AMDHD1: variants seen among roughly 807,000 people sequenced by gnomAD.
The protein encoded by AMDHD1 is probable imidazolonepropionase.
Under a neutral mutation model 44.1 loss-of-function variants are expected in AMDHD1, and 45 were observed. That is an observed-to-expected ratio of 1.02 (90% CI 0.80 to 1.31). The LOEUF is 1.31. Among genes scored for constraint, AMDHD1 ranks in the 50% most tolerant of loss-of-function variants. The pLI is 0.00. For synonymous variants in AMDHD1, 206 were observed against 205.0 expected (o/e 1.00, Z -0.04); for missense variants, 586 against 552.1 (o/e 1.06, Z -0.61).
At chr12:95,944,994 C>A (rs1243018416) in intron 1 of AMDHD1, among the ~76,000 whole-genome samples, 2 of 152,056 alleles carry the variant, frequency 1.3e-5, no homozygotes, top group Non-Finnish European at 2.9e-5. Context: ...ATTAGCCGGG[C>A]ATGGCGGCGC....
chr12:95,952,721 G>T lies in AMDHD1; in HGVS notation c.142G>T (p.Gly48Ter). The T allele has an allele frequency of 6.3e-7, 1 of 1,596,686 alleles. No homozygotes were observed. The highest frequency in any genetic ancestry group is 1.1e-5 in the South Asian group (1 of 89,182). ...TATTTCTTGATTTTTCTTCAGAGATGGATTTATAAAAGCTATTGGTCCTGC... is the reference window on the plus strand; with the variant it reads ...TATTTCTTGATTTTTCTTCAGAGATTGATTTATAAAAGCTATTGGTCCTGC... Reference protein sequence around the residue: ...EGASLVVGKDGFIKAIGPADV... With the variant: ...EGASLVVGKD Residue 48 changes from glycine (G) to a stop codon, truncating the protein, a stop_gained, in exon 2 of 9, where the codon GGA becomes TGA. Transcript: ENST00000266736. LOFTEE classifies it high-confidence loss of function.
rs1308696860 is a variant in AMDHD1, at chr12:95,948,546, G to T, written c.138-4171G>T. 3.5e-5 allele frequency among the ~76,000 whole-genome samples: 3 copies of T among 85,762 alleles called. 1 individual carries two copies. The highest frequency in any genetic ancestry group is 7.0e-5 in the Non-Finnish European group (3 of 42,668). 56.3% of individuals were successfully genotyped at this position (85,762 alleles called of 152,430 possible). A position where few individuals can be genotyped will look rare whatever the true frequency, so the allele number is the denominator to read the frequency against. On this transcript the variant is annotated intron_variant, in intron 1 of 8. Transcript: ENST00000266736. ...CCCGTCCGGGAGGGAGGTGGGGGGGGGGTCAGCCCCCACCGCCCAGCCAGC... is the reference window on the plus strand; with the variant it reads ...CCCGTCCGGGAGGGAGGTGGGGGGGTGGTCAGCCCCCACCGCCCAGCCAGC...
In AMDHD1 at chr12:95,962,467, C is replaced by T. The variant is rs780498388; in HGVS notation, c.926C>T (p.Ala309Val). Residue 309 changes from alanine (A) to valine (V), a missense_variant, in exon 6 of 9, where the codon GCC (alanine) becomes GTC (valine). Coordinates refer to ENST00000266736, the MANE Select transcript of AMDHD1 (RefSeq NM_152435.3). ...RCSAILLPTT[A>V]YMLRLKQPRA... The stretch of plus-strand genomic sequence containing the variant: ...TCTGCCATCCTTCTGCCCACCACAG[C>T]CTACATGCTGAGGTAAGGTCGTTTC... 6.2e-7 allele frequency: 1 copy of T among 1,608,114 alleles called. No individual in the cohort carries two copies. The highest frequency in any genetic ancestry group is 1.1e-5 in the South Asian group (1 of 90,670).
intron 1 of AMDHD1, among the ~76,000 whole-genome samples, chr12:95,951,086 A>G (rs894803581): frequency 6.6e-6 from 1 of 152,212 alleles, no homozygotes; most frequent in Non-Finnish European, 1.5e-5. Flanking sequence ...TGTTACAAAC[A>G]TTCCAATCGT....
At chr12:95,945,333 A>G (rs895983183) in intron 1 of AMDHD1, among the ~76,000 whole-genome samples, 1 of 152,194 alleles carries the variant, frequency 6.6e-6, no homozygotes, top group Non-Finnish European at 1.5e-5. Context: ...TGGATTTATT[A>G]CAATGAAATA....
In AMDHD1 at chr12:95,962,551, C is replaced by T. The variant is rs555314768; in HGVS notation, c.938+72C>T. On this transcript the variant is annotated intron_variant, in intron 6 of 8. Coordinates refer to ENST00000266736, the MANE Select transcript of AMDHD1 (RefSeq NM_152435.3). ...TGAAGACACAGACGTCCAAAGTGCC[C>T]AGACATTATTTCATTGCCCTTACAA... The T allele has an allele frequency of 2.8e-5, 42 of 1,474,886 alleles. 1 individual carries two copies. The South Asian group carries it at 5.5e-4, about 19-fold the overall frequency. 91.4% of individuals were successfully genotyped at this position (1,474,886 alleles called of 1,614,324 possible).
intron 1 of AMDHD1, among the ~76,000 whole-genome samples, chr12:95,951,812 T>C (rs947983408): frequency 6.6e-6 from 1 of 152,214 alleles, no homozygotes; most frequent in African/African-American, 2.4e-5. Flanking sequence ...GTGGTTTTGT[T>C]TGCATTTCTC....
chr12:95,945,217 A>C (rs1180509290), intron 1 of AMDHD1, among the ~76,000 whole-genome samples: 3 of 152,222 alleles, frequency 2.0e-5, no homozygotes, highest in African/African-American at 7.2e-5. Context: ...TTCTATGTTC[A>C]CATCAAAACC....
chr12:95,944,327 TTTTATTTA>T lies in AMDHD1; in HGVS notation c.137+832_137+839del, dbSNP rs34358106. On this transcript the variant is annotated intron_variant, in intron 1 of 8. Coordinates refer to ENST00000266736, the MANE Select transcript of AMDHD1 (RefSeq NM_152435.3). ...TTTAAGGGACTGTGGGTTGGTTTAA[TTTTATTTA>T]TTTATTTATTTATTTATTTATTTAT... 8.8e-3 allele frequency among the ~76,000 whole-genome samples: 1,240 copies of T among 141,620 alleles called. 15 individuals carry two copies. The highest frequency in any genetic ancestry group is 0.027 in the East Asian group (131 of 4,858). The allele number at this position is 141,620 out of a possible 152,430, so 92.9% of individuals were successfully genotyped here. A position where few individuals can be genotyped will look rare whatever the true frequency, so the allele number is the denominator to read the frequency against.
At chr12:95,951,329 G>A (rs758205624) in intron 1 of AMDHD1, among the ~76,000 whole-genome samples, 13 of 152,106 alleles carry the variant, frequency 8.5e-5, no homozygotes, top group Non-Finnish European at 1.9e-4. Context: ...AAATGAATGA[G>A]AATATGCCAA....
In AMDHD1 at chr12:95,966,453, C is replaced by A. The variant is rs966281077; in HGVS notation, c.1138C>A (p.His380Asn). 6.2e-7 allele frequency: 1 copy of A among 1,614,150 alleles called. No individual in the cohort carries two copies. Among genetic ancestry groups the A allele is most frequent in the African/African-American group, 1.3e-5 (1 of 74,954 alleles). The change falls in exon 8 of 9, where the codon CAC becomes AAC. Residue 380 changes from histidine (H) to asparagine (N), a missense_variant. Transcript: ENST00000266736. ...AAYALGKSHT[H>N]GSLEVGKQGD... ...TTATGCACTGGGAAAGTCTCACACA[C>A]ACGGATCGTTGGAAGTTGGCAAACA...
At chr12:95,959,790 C>CTTTTTTTTT (rs63130861) in intron 4 of AMDHD1, among the ~76,000 whole-genome samples, 1 of 67,360 alleles carries the variant, frequency 1.5e-5, no homozygotes, top group Non-Finnish European at 2.6e-5. Flanking sequence ...GAAGATTATG[C>CTTTTTTTTT]TTTTTTTTTT....
Position 95,954,679 on chromosome 12 carries a change from T to A in AMDHD1, c.245-232T>A, listed in dbSNP as rs77191332. ...ATTTCTGTAAGGGATATTTTCATCA[T>A]GTTGCATCACCTCCTTCATTAGAGC... On this transcript the variant is annotated intron_variant, in intron 2 of 8. Transcript: ENST00000266736. Among the ~76,000 whole-genome samples, 566 of 152,324 alleles carry A rather than the reference T, an allele frequency of 3.7e-3. 4 individuals carry two copies. The highest frequency in any genetic ancestry group is 0.013 in the African/African-American group (548 of 41,548).
intron 7 of AMDHD1, 121 bp from the exon 8 acceptor site, chr12:95,966,226 CA>C: frequency 9.1e-7 from 1 of 1,093,314 alleles, no homozygotes; most frequent in Non-Finnish European, 1.3e-6. Context: ...TTTCCCATTG[CA>C]ACTGAGCCAA....
At chr12:95,949,335 A>G (rs548908960) in intron 1 of AMDHD1, among the ~76,000 whole-genome samples, 92 of 152,280 alleles carry the variant, frequency 6.0e-4, no homozygotes, top group African/African-American at 2.1e-3. Flanking sequence ...CCACTCAAAG[A>G]AGCATCATCC....
intron 4 of AMDHD1, among the ~76,000 whole-genome samples, chr12:95,957,307 TA>T (rs1274627950): frequency 3.3e-5 from 5 of 152,216 alleles, no homozygotes; most frequent in African/African-American, 1.2e-4. Context: ...AAGTTAATAG[TA>T]ATGCTCTTTA....
Position 95,968,393 on chromosome 12 carries a change from A to G in AMDHD1, c.*550A>G, listed in dbSNP as rs1284211457. ...TCCTTCCGTTTCTAAGGTCTTCTCA[A>G]TCTCAGCAATAGAGCTTCCCAGCAG... is the stretch of plus-strand genomic sequence containing the variant. On this transcript the variant is annotated 3_prime_UTR_variant, in exon 9 of 9. Transcript: ENST00000266736. 1.3e-5 allele frequency: 2 copies of G among 152,982 alleles called. No homozygotes were observed. The highest frequency in any genetic ancestry group is 4.8e-5 in the African/African-American group (2 of 41,452). 9.5% of individuals were successfully genotyped at this position (152,982 alleles called of 1,614,324 possible).
At chr12:95,955,010 G>A (rs895492392) in intron 3 of AMDHD1, 35 bp downstream of exon 3, 18 of 1,603,754 alleles carry the variant, frequency 1.1e-5, no homozygotes, top group Non-Finnish European at 1.5e-5. Context: ...TCAAAATAAA[G>A]CACAAATATG....
Position 95,966,469 on chromosome 12 carries a change from T to C in AMDHD1, c.1154T>C (p.Val385Ala). 1 of 1,614,242 alleles carries C rather than the reference T, an allele frequency of 6.2e-7. No individual in the cohort carries two copies. The highest frequency in any genetic ancestry group is 1.1e-5 in the South Asian group (1 of 91,088). The part of the protein sequence containing the change: ...GKSHTHGSLE[V>A]GKQGDLIIIN... Reference sequence around the variant, plus strand: ...TCTCACACACACGGATCGTTGGAAGTTGGCAAACAGGGAGATCTCATTATC... The same window carrying C: ...TCTCACACACACGGATCGTTGGAAGCTGGCAAACAGGGAGATCTCATTATC... Residue 385 changes from valine (V) to alanine (A), a missense_variant, in exon 8 of 9, where the codon GTT (valine) becomes GCT (alanine). Coordinates refer to ENST00000266736, the MANE Select transcript of AMDHD1 (RefSeq NM_152435.3).
Sources: allele counts gnomAD v4.1 joint callset (sites outside exome capture counted in the v4.1 genomes callset), GRCh38; gene constraint gnomAD v4.1.1; transcripts MANE v1.5; gene names NCBI Gene and HGNC (gene_info 2026-07-23, HGNC 2026-07-21).